TGS1: variants seen among roughly 807,000 people sequenced by gnomAD.
TGS1 encodes trimethylguanosine synthase.
Under a neutral mutation model 92.2 loss-of-function variants are expected in TGS1, and 69 were observed. The observed-to-expected ratio is 0.75, with a 90% CI of 0.62 to 0.91. The LOEUF (loss-of-function observed/expected upper bound fraction) is 0.91. Among genes scored for constraint, TGS1 ranks in the 40% least tolerant of loss-of-function variants. The pLI is 0.00. For missense variants in TGS1, 1,062 were observed against 1,001.2 expected (o/e 1.06, Z -0.82); for synonymous variants, 345 against 338.1 (o/e 1.02, Z -0.22).
At chr8:55,790,989 A>G (rs1000189121) in intron 5 of TGS1, among the ~76,000 whole-genome samples, 3 of 123,386 alleles carry the variant, frequency 2.4e-5, no homozygotes, top group Non-Finnish European at 5.2e-5. Flanking sequence ...TCTCTCTCTC[A>G]CCAGTTCTAA....
Position 55,786,703 on chromosome 8 carries a change from G to T in TGS1, c.805G>T (p.Asp269Tyr). Reference protein sequence around the residue: ...GWTFDASQSCDTDTYTSKTEA... With the variant: ...GWTFDASQSCYTDTYTSKTEA... Reference sequence around the variant, plus strand: ...GACTTTTGATGCCTCGCAAAGCTGTGATACAGATACTTACACATCTAAAAC... The same window carrying T: ...GACTTTTGATGCCTCGCAAAGCTGTTATACAGATACTTACACATCTAAAAC... The change falls in exon 4 of 13, where the codon GAT becomes TAT. Residue 269 changes from aspartate (D) to tyrosine (Y), a missense_variant. Coordinates refer to ENST00000260129, the MANE Select transcript of TGS1 (RefSeq NM_024831.8). 1 of 1,614,114 alleles carries T rather than the reference G, an allele frequency of 6.2e-7. No homozygotes were observed.
Position 55,818,288 on chromosome 8 carries a change from C to T in TGS1, c.2439+5170C>T, listed in dbSNP as rs536502258. Among the ~76,000 whole-genome samples the T allele has an allele frequency of 7.2e-5, 11 of 152,302 alleles. No individual in the cohort carries two copies. The East Asian group carries it at 1.7e-3, about 24-fold the overall frequency. On this transcript the variant is annotated intron_variant, in intron 12 of 12. Coordinates refer to ENST00000260129, the MANE Select transcript of TGS1 (RefSeq NM_024831.8). ...CCAGACTGAAACAATTCTCCCACCT[C>T]GGTCTCCCGAGTACCTGGGACTACA... is the stretch of plus-strand genomic sequence containing the variant.
intron 12 of TGS1, among the ~76,000 whole-genome samples, chr8:55,821,484 C>G (rs1439961611): frequency 2.0e-5 from 3 of 152,182 alleles, no homozygotes; most frequent in African/African-American, 7.2e-5. Flanking sequence ...GCACCCACAT[C>G]TAGACAACCC....
chr8:55,804,841 G>T, intron 9 of TGS1, 52 bp from the exon 10 acceptor site: 2 of 1,552,994 alleles, frequency 1.3e-6, no homozygotes, highest in South Asian at 1.2e-5. Context: ...GTTTATGCTT[G>T]CCTTGGCTTC....
chr8:55,802,570 T>C lies in TGS1; in HGVS notation c.1963T>C (p.Phe655Leu), dbSNP rs1812248767. Residue 655 changes from phenylalanine to leucine, a missense_variant, in exon 9 of 13, where the codon TTC (phenylalanine) becomes CTC (leucine). Coordinates refer to ENST00000260129, the MANE Select transcript of TGS1 (RefSeq NM_024831.8). ...ATACTGGGCCCAGAGGTACAGGCTCTTCTCCCGTTTTGATGATGGGATTAA... is the reference window on the plus strand; with the variant it reads ...ATACTGGGCCCAGAGGTACAGGCTCCTCTCCCGTTTTGATGATGGGATTAA... ...AKYWAQRYRLFSRFDDGIKLD... is the reference protein window; with the variant it reads ...AKYWAQRYRLLSRFDDGIKLD... 6.2e-7 allele frequency: 1 copy of C among 1,613,904 alleles called. No homozygotes were observed. The highest frequency in any genetic ancestry group is 1.1e-5 in the South Asian group (1 of 90,964).
rs1030402330 is a variant in TGS1, at chr8:55,811,486, G to T, written c.2360+389G>T. 2.7e-5 allele frequency among the ~76,000 whole-genome samples: 4 copies of T among 149,842 alleles called. No individual in the cohort carries two copies. In the Admixed American group the frequency reaches 2.7e-4, roughly 10 times the overall value. Reference sequence around the variant, plus strand: ...CAAAAGAGAGAGAGAGATTGGCCAGGCACGGTGGCTCACACCTGTAATCCC... The same window carrying T: ...CAAAAGAGAGAGAGAGATTGGCCAGTCACGGTGGCTCACACCTGTAATCCC... On this transcript the variant is annotated intron_variant, in intron 11 of 12. Transcript: ENST00000260129.
rs202133781 is a variant in TGS1 at position 55,810,871 on chromosome 8, C to T, written c.2144-10C>T. ...TCAATTAACTCATTTTTTTCTTTTC[C>T]CACTTTTAGTGATTGCCATTGATAT... On this transcript the variant is annotated splice_polypyrimidine_tract_variant and intron_variant, in intron 10 of 12. Coordinates refer to ENST00000260129, the MANE Select transcript of TGS1 (RefSeq NM_024831.8). 1.3e-5 allele frequency: 21 copies of T among 1,608,916 alleles called. No individual in the cohort carries two copies. The highest frequency in any genetic ancestry group is 1.8e-5 in the Non-Finnish European group (21 of 1,177,692).
At chr8:55,813,213 T>C (rs1424455143) in intron 12 of TGS1, 95 bp downstream of exon 12, 18 of 876,590 alleles carry the variant, frequency 2.1e-5, no homozygotes, top group Non-Finnish European at 3.2e-5. Context: ...AGAATGTGTT[T>C]ATGAGAAGTC....
Position 55,824,614 on chromosome 8 carries a change from G to A in TGS1, c.2473G>A (p.Glu825Lys). ...CTTAGCTGGGCCTGGAGGGCAAGTG[G>A]AAATAGAACAGAACTTCCTTAACAA... ...ASLAGPGGQV[E>K]IEQNFLNNKL... The change falls in exon 13 of 13, where the codon GAA (glutamate) becomes AAA (lysine). Residue 825 changes from glutamate to lysine, a missense_variant. Physicochemically the swap from Glu to Lys is moderately conservative, Grantham distance 56 (BLOSUM62 1). Transcript: ENST00000260129. The A allele has an allele frequency of 6.2e-7, 1 of 1,614,222 alleles. No homozygotes were observed. Among genetic ancestry groups the A allele is most frequent in the Non-Finnish European group, 8.5e-7 (1 of 1,180,040 alleles).
chr8:55,805,173 A>T, intron 10 of TGS1, 137 bp downstream of exon 10: 1 of 601,956 alleles, frequency 1.7e-6, no homozygotes, highest in Non-Finnish European at 2.5e-6. Context: ...AATAATAGCT[A>T]GCATATATTA....
At chr8:55,785,599 A>G (rs1257507480) in intron 2 of TGS1, 120 bp from the exon 3 acceptor site, 2 of 668,456 alleles carry the variant, frequency 3.0e-6, no homozygotes. Context: ...AAAAAATTGT[A>G]ACATTTGCAT....
At chr8:55,782,715 A>G (rs776584714) in intron 1 of TGS1, 33 bp from the exon 2 acceptor site, 2 of 1,541,504 alleles carry the variant, frequency 1.3e-6, no homozygotes, top group Non-Finnish European at 1.8e-6. Context: ...GGCTTAATTC[A>G]TTTCAATATG....
chr8:55,815,100 G>A (rs112576583), intron 12 of TGS1, among the ~76,000 whole-genome samples: 4 of 152,234 alleles, frequency 2.6e-5, no homozygotes, highest in South Asian at 2.1e-4. Context: ...CTTGAATAAC[G>A]AGAGGAAATT....
chr8:55,821,634 G>A (rs1319062808), intron 12 of TGS1, among the ~76,000 whole-genome samples: 1 of 152,132 alleles, frequency 6.6e-6, no homozygotes, highest in African/African-American at 2.4e-5. Context: ...AGCACTTTGG[G>A]AGGCCGAGGT....
intron 1 of TGS1, among the ~76,000 whole-genome samples, chr8:55,781,910 T>C (rs1422362990): frequency 6.6e-6 from 1 of 152,194 alleles, no homozygotes. Flanking sequence ...AGCAGAGTCT[T>C]CCACTTTTTC....
intron 10 of TGS1, among the ~76,000 whole-genome samples, chr8:55,807,189 A>G (rs532042935): frequency 5.8e-4 from 88 of 152,210 alleles, no homozygotes; most frequent in African/African-American, 2.0e-3. Context: ...CAGCCTCGCA[A>G]AGTGCTGGGA....
At chr8:55,814,677 ATATAT>A (rs1563469647) in intron 12 of TGS1, among the ~76,000 whole-genome samples, 1 of 104,902 alleles carries the variant, frequency 9.5e-6, no homozygotes, top group Non-Finnish European at 1.9e-5. Context: ...AAAAAAAAAT[ATATAT>A]ATATATATAT....
chr8:55,806,356 C>CAAAA (rs1047234489), intron 10 of TGS1, among the ~76,000 whole-genome samples: 14 of 38,888 alleles, frequency 3.6e-4, no homozygotes, highest in Admixed American at 8.9e-4. Context: ...GACTCCACCT[C>CAAAA]AAAAAAAAAA....
At chr8:55,802,688 TGTTCATATCCCCTTTACCCAGATTCA>T in intron 9 of TGS1, 82 bp downstream of exon 9, 1 of 1,340,896 alleles carries the variant, frequency 7.5e-7, no homozygotes, top group Non-Finnish European at 1.0e-6. Flanking sequence ...ATACAGGGAA[TGTTCATATCCCCTTTACCCAGATTCA>T]GCTATTTTCA....
Sources: gnomAD v4.1 joint callset for allele counts (sites outside exome capture counted in the v4.1 genomes callset) on GRCh38, gnomAD v4.1.1 for gene constraint, MANE v1.5 for transcripts, NCBI Gene and HGNC (gene_info 2026-07-23, HGNC 2026-07-21) for gene names.